The following FMN1 variants were observed in gnomAD, a reference collection of about 807,000 sequenced individuals.
The protein encoded by FMN1 is formin 1.
FMN1 carries 110 observed loss-of-function variants against 132.4 expected under a neutral mutation model. That is an observed-to-expected ratio of 0.83 (90% confidence interval 0.71 to 0.97). FMN1 has a LOEUF of 0.97. Ranked by LOEUF, FMN1 falls within the 50% of genes least tolerant of loss-of-function variation. The probability of loss-of-function intolerance (pLI) is 0.00; values close to 1 mark genes in which losing one functional copy is unlikely to be tolerated. For missense variants in FMN1, 1,792 were observed against 1,705.3 expected (o/e 1.05, Z -0.90); for synonymous variants, 722 against 651.7 (o/e 1.11, Z -1.64).
At chr15:32,937,163 C>A (rs553147978) in intron 9 of FMN1, among the ~76,000 whole-genome samples, 3 of 152,260 alleles carry the variant, frequency 2.0e-5, no homozygotes, top group African/African-American at 7.2e-5. Context: ...TAATTCATAT[C>A]ATCATCTTTC....
chr15:32,905,860 T>C (rs897325259), intron 12 of FMN1, among the ~76,000 whole-genome samples: 1 of 151,468 alleles, frequency 6.6e-6, no homozygotes, highest in African/African-American at 2.4e-5. Flanking sequence ...AGGAGGTTGG[T>C]AGCAAAGGTG....
intron 9 of FMN1, among the ~76,000 whole-genome samples, chr15:32,960,908 T>C (rs960832756): frequency 2.1e-5 from 3 of 142,680 alleles, no homozygotes; most frequent in African/African-American, 5.1e-5. Context: ...AGCAGGAGAA[T>C]TGCTTGAACC....
chr15:32,888,916 T>C (rs2059960060), intron 15 of FMN1, among the ~76,000 whole-genome samples: 1 of 151,020 alleles, frequency 6.6e-6, no homozygotes, highest in African/African-American at 2.4e-5. Context: ...TTGAGTGCAC[T>C]GACACAATCA....
At chr15:33,169,733 T>C (rs578124897) in intron 3 of FMN1, among the ~76,000 whole-genome samples, 1 of 148,092 alleles carries the variant, frequency 6.8e-6, no homozygotes, top group South Asian at 2.1e-4. Context: ...CTTTTTTTTT[T>C]CTTTTCCTTT....
chr15:32,820,346 G>T (rs901219105), intron 17 of FMN1, among the ~76,000 whole-genome samples: 1 of 152,150 alleles, frequency 6.6e-6, no homozygotes, highest in African/African-American at 2.4e-5. Context: ...TGCAAAGAGA[G>T]AGGCTTTAAT....
At chr15:32,817,170 T>A (rs1470623256) in intron 17 of FMN1, among the ~76,000 whole-genome samples, 1 of 152,196 alleles carries the variant, frequency 6.6e-6, no homozygotes, top group African/African-American at 2.4e-5. Context: ...AAGCTCTCCC[T>A]CTAGAAAAAT....
In FMN1 at chr15:32,772,555, A is replaced by G. The variant is rs1258473828; in HGVS notation, c.*1755T>C. The G allele has an allele frequency of 5.3e-5, 8 of 152,232 alleles. No individual in the cohort carries two copies. Among genetic ancestry groups the G allele is most frequent in the Non-Finnish European group, 1.2e-4 (8 of 68,038 alleles). 9.4% of individuals were successfully genotyped at this position (152,232 alleles called of 1,614,324 possible). A position where few individuals can be genotyped will look rare whatever the true frequency, so the allele number is the denominator to read the frequency against. On this transcript the variant is annotated 3_prime_UTR_variant, in exon 21 of 21. Transcript: ENST00000616417. ...ATAAAAAGCTTCTTGCTCACAAGCA[A>G]CTTCAAGCCTTTTTAGTCATGCATG...
At chr15:32,917,662 C>T (rs2060716835) in intron 10 of FMN1, among the ~76,000 whole-genome samples, 1 of 152,178 alleles carries the variant, frequency 6.6e-6, no homozygotes, top group Non-Finnish European at 1.5e-5. Context: ...ATTCGACAAC[C>T]ACCCCAACTA....
rs1487508863 is a variant in FMN1, at chr15:32,765,690, TCA to T, written c.*8618_*8619del. 1 of 152,206 alleles carries T rather than the reference TCA, an allele frequency of 6.6e-6. No homozygotes were observed. The highest frequency in any genetic ancestry group is 2.4e-5 in the African/African-American group (1 of 41,460). 9.4% of individuals were successfully genotyped at this position (152,206 alleles called of 1,614,324 possible). A position where few individuals can be genotyped will look rare whatever the true frequency, so the allele number is the denominator to read the frequency against. On this transcript the variant is annotated 3_prime_UTR_variant, in exon 21 of 21. Coordinates refer to ENST00000616417, the MANE Select transcript of FMN1 (RefSeq NM_001277313.2). ...AACAGATTAGGATAAATATAATCTA[TCA>T]CAGAGATAGAATTTTTTGAATAGAC...
chr15:33,034,590 C>A (rs889484867), intron 6 of FMN1, among the ~76,000 whole-genome samples: 3 of 151,978 alleles, frequency 2.0e-5, no homozygotes, highest in Non-Finnish European at 4.4e-5. Context: ...ACAAATAAAA[C>A]CCCTGATGTC....
At chr15:32,909,713 T>C (rs1173953127) in intron 11 of FMN1, among the ~76,000 whole-genome samples, 1 of 152,166 alleles carries the variant, frequency 6.6e-6, no homozygotes, top group Non-Finnish European at 1.5e-5. Flanking sequence ...ACCAAAACAA[T>C]GAACAATCAT....
intron 4 of FMN1, among the ~76,000 whole-genome samples, chr15:33,122,901 T>C (rs563680010): frequency 3.9e-5 from 6 of 152,156 alleles, no homozygotes; most frequent in East Asian, 1.9e-4. Context: ...CCAACATCTA[T>C]GCAGCATGTA....
At chr15:32,972,286 T>C (rs1223891619) in intron 7 of FMN1, among the ~76,000 whole-genome samples, 1 of 152,204 alleles carries the variant, frequency 6.6e-6, no homozygotes, top group Non-Finnish European at 1.5e-5. Flanking sequence ...TCTATGCTTC[T>C]AAAGCAAAAA....
At chr15:32,915,135 G>T (rs1283856722) in intron 10 of FMN1, among the ~76,000 whole-genome samples, 1 of 152,180 alleles carries the variant, frequency 6.6e-6, no homozygotes, top group African/African-American at 2.4e-5. Flanking sequence ...GCCTGGGAAG[G>T]TTAGGGTATC....
chr15:33,032,633 T>A (rs192735870), intron 6 of FMN1, among the ~76,000 whole-genome samples: 5 of 152,346 alleles, frequency 3.3e-5, no homozygotes, highest in African/African-American at 1.2e-4. Context: ...ACAATTAAAA[T>A]AACTTATACA....
At chr15:33,115,003 A>ATGATCCATGTAT (rs2039860159) in intron 4 of FMN1, among the ~76,000 whole-genome samples, 1 of 152,166 alleles carries the variant, frequency 6.6e-6, no homozygotes, top group Non-Finnish European at 1.5e-5. Context: ...CATTCAATAT[A>ATGATCCATGTAT]TGATCCATGT....
At position 33,127,976 on chromosome 15, in the gene FMN1, AG is replaced by A. The variant is rs148511085; in HGVS notation, c.1867+25071del. Reference sequence around the variant, plus strand: ...GAGAAAGGAAAGAAAGGGGAAAGGAAGGTAACAGAAGGGCAACGGGGGAAGG... The same window carrying A: ...GAGAAAGGAAAGAAAGGGGAAAGGAAGTAACAGAAGGGCAACGGGGGAAGG... On this transcript the variant is annotated intron_variant, in intron 4 of 20. Coordinates refer to ENST00000616417, the MANE Select transcript of FMN1 (RefSeq NM_001277313.2). 6.6e-3 allele frequency among the ~76,000 whole-genome samples: 1,005 copies of A among 152,312 alleles called. 25 individuals are homozygous for A. Among genetic ancestry groups the A allele is most frequent in the East Asian group, 0.059 (307 of 5,176 alleles).
At chr15:32,804,553 G>C (rs972592970) in intron 17 of FMN1, among the ~76,000 whole-genome samples, 2 of 146,408 alleles carry the variant, frequency 1.4e-5, no homozygotes, top group African/African-American at 5.1e-5. Flanking sequence ...TAGGGTACAT[G>C]TGCACTACGT....
chr15:33,192,062 A>C (rs903876595), intron 2 of FMN1, among the ~76,000 whole-genome samples: 1 of 152,266 alleles, frequency 6.6e-6, no homozygotes, highest in Non-Finnish European at 1.5e-5. Context: ...TCACTGCAAG[A>C]TATGAAATAT....
Sources: gnomAD v4.1 joint callset for allele counts (sites outside exome capture counted in the v4.1 genomes callset) on GRCh38, gnomAD v4.1.1 for gene constraint, MANE v1.5 for transcripts, NCBI Gene and HGNC (gene_info 2026-07-23, HGNC 2026-07-21) for gene names.